The following SART1 variants were observed in gnomAD, a reference collection of about 807,000 sequenced individuals.
SART1 encodes U4/U6.U5 tri-snRNP-associated protein 1.
Under a neutral mutation model 105.0 loss-of-function variants are expected in SART1, and 28 were observed. The observed-to-expected ratio is 0.27, with a 90% confidence interval of 0.20 to 0.37. The LOEUF (loss-of-function observed/expected upper bound fraction) is 0.37. Among genes scored for constraint, SART1 ranks in the 10% least tolerant of loss-of-function variants. The probability of loss-of-function intolerance (pLI) is 1.00; values close to 1 mark genes in which losing one functional copy is unlikely to be tolerated. For synonymous variants in SART1, 472 were observed against 462.9 expected, an observed-to-expected ratio of 1.02 and a Z score of -0.25; for missense variants, 894 against 1,106.5, an observed-to-expected ratio of 0.81 and a Z score of 2.72.
At chr11:65,967,884 T>G in intron 12 of SART1, 63 bp downstream of exon 12, 1 of 1,347,006 alleles carries the variant, frequency 7.4e-7, no homozygotes, top group African/African-American at 1.5e-5. Flanking sequence ...AGCACCTGTG[T>G]CATAGGCGAC....
chr11:65,964,493 CA>C (rs748385244), intron 2 of SART1, 21 bp from the exon 3 acceptor site: 51 of 1,612,990 alleles, frequency 3.2e-5, no homozygotes, highest in Non-Finnish European at 4.0e-5. Context: ...TAGCCCCTAA[CA>C]CTTGTATCTC....
intron 1 of SART1, among the ~76,000 whole-genome samples, chr11:65,963,482 G>T (rs11606402): frequency 0.38 from 57,509 of 149,536 alleles, 12,526 homozygotes; most frequent in Middle Eastern, 0.56. Flanking sequence ...TTTTTTTTTT[G>T]TTTTGTTTTG....
Position 65,978,612 on chromosome 11 carries a change from C to T in SART1, c.2185C>T (p.Leu729=), listed in dbSNP as rs1590646956. 2 of 1,565,452 alleles carry T rather than the reference C, an allele frequency of 1.3e-6. No homozygotes were observed. Among genetic ancestry groups the T allele is most frequent in the East Asian group, 2.4e-5 (1 of 41,890 alleles). The change falls in exon 18 of 20, where the codon CTG becomes TTG. Residue 729 remains leucine (L), a synonymous_variant. Coordinates refer to ENST00000312397, the MANE Select transcript of SART1 (RefSeq NM_005146.5). The surrounding 1 kb of genome is among the most constrained non-coding windows in gnomAD (Gnocchi z 6.8). ...CCCGCGTCCCCAGGCTTTCCGGCAG[C>T]TGTCGCACCGCTTCCATGGCAAGGG... ...KLTPKEAFRQ[L]SHRFHGKGSG...
In SART1 at chr11:65,965,080, C is replaced by T. The variant is rs1185524082; in HGVS notation, c.428-12C>T. 5.0e-5 allele frequency: 79 copies of T among 1,565,934 alleles called. No individual in the cohort carries two copies. Among genetic ancestry groups the T allele is most frequent in the Non-Finnish European group, 6.2e-5 (72 of 1,160,966 alleles). On this transcript the variant is annotated splice_polypyrimidine_tract_variant and intron_variant, in intron 3 of 19. Coordinates refer to ENST00000312397, the MANE Select transcript of SART1 (RefSeq NM_005146.5). Reference sequence around the variant, plus strand: ...GGGCGGGCATAGCCTCACGTCTGGGCCCCCCTTCCAGAGGCGGGCACCAAG... The same window carrying T: ...GGGCGGGCATAGCCTCACGTCTGGGTCCCCCTTCCAGAGGCGGGCACCAAG...
rs763174089 is a variant in SART1, at chr11:65,976,649, G to T, written c.1747-7G>T. 1 of 1,613,606 alleles carries T rather than the reference G, an allele frequency of 6.2e-7. No homozygotes were observed. The highest frequency in any genetic ancestry group is 1.7e-5 in the Admixed American group (1 of 60,010). On this transcript the variant is annotated splice_polypyrimidine_tract_variant and splice_region_variant and intron_variant, in intron 13 of 19. Coordinates refer to ENST00000312397, the MANE Select transcript of SART1 (RefSeq NM_005146.5). This position sits in a 1 kb window ranked among gnomAD's most constrained non-coding sequence, Gnocchi z 5.1. The stretch of plus-strand genomic sequence containing the variant: ...GCCTGGGCCGACCCTGGTCTTTTGT[G>T]CCCCAGGACTTTGAACGGGATGAGG...
At chr11:65,967,102 T>C (rs1855275011) in intron 9 of SART1, among the ~76,000 whole-genome samples, 157 bp from the exon 10 acceptor site, 1 of 152,036 alleles carries the variant, frequency 6.6e-6, no homozygotes, top group Non-Finnish European at 1.5e-5. Flanking sequence ...ACCAGTGGAA[T>C]TGAGATAGTA....
In SART1 at chr11:65,978,834, C is replaced by T. The variant is rs545090377; in HGVS notation, c.2304C>T (p.Thr768=). ...GCTCCAGCGACACGCCCCTGGGCAC[C>T]GTGGCCCTGCTCCAGGAGAAGCAGA... ...KMSSSDTPLG[T]VALLQEKQKA... is the part of the protein sequence containing the mutation. The change falls in exon 19 of 20, where the codon ACC becomes ACT. Residue 768 remains threonine (T), a synonymous_variant. Coordinates refer to ENST00000312397, the MANE Select transcript of SART1 (RefSeq NM_005146.5). The surrounding 1 kb of genome is among the most constrained non-coding windows in gnomAD (Gnocchi z 6.8). 76 of 1,614,038 alleles carry T rather than the reference C, an allele frequency of 4.7e-5. No individual in the cohort carries two copies. The highest frequency in any genetic ancestry group is 2.8e-4 in the African/African-American group (21 of 75,008).
At chr11:65,971,870 C>A (rs1014865790) in intron 12 of SART1, among the ~76,000 whole-genome samples, 2 of 151,962 alleles carry the variant, frequency 1.3e-5, no homozygotes, top group Non-Finnish European at 2.9e-5. Context: ...GAAGTTAATA[C>A]AGTCAATGAG....
At chr11:65,974,198 T>TAAAAAAAAAAA (rs1168176073) in intron 12 of SART1, among the ~76,000 whole-genome samples, 5 of 69,330 alleles carry the variant, frequency 7.2e-5, no homozygotes, top group African/African-American at 1.8e-4. Context: ...CCCTCTCTAC[T>TAAAAAAAAAAA]AAAAAAAAAA....
rs754894158 is a variant in SART1 at position 65,967,501 on chromosome 11, C to T, written c.1344C>T (p.Ser448=). ...GGGGACGGGGTCGCCGCCGAGTGTC[C>T]GAAGTGGAGGAGGAGAAGGAGCCTG... ...RLRGRGRRRV[S]EVEEEKEPVP... The change falls in exon 11 of 20, where the codon TCC becomes TCT. Residue 448 remains serine, a synonymous_variant. Transcript: ENST00000312397. 32 of 1,612,920 alleles carry T rather than the reference C, an allele frequency of 2.0e-5. No homozygotes were observed. Among genetic ancestry groups the T allele is most frequent in the Non-Finnish European group, 2.5e-5 (30 of 1,179,884 alleles).
At chr11:65,967,087 A>G (rs1365915514) in intron 9 of SART1, among the ~76,000 whole-genome samples, 172 bp from the exon 10 acceptor site, 1 of 152,082 alleles carries the variant, frequency 6.6e-6, no homozygotes, top group Non-Finnish European at 1.5e-5. Context: ...CAGTTTCCCT[A>G]GCTCACCAGT....
At chr11:65,973,359 G>T (rs1260095022) in intron 12 of SART1, among the ~76,000 whole-genome samples, 1 of 151,996 alleles carries the variant, frequency 6.6e-6, no homozygotes, top group African/African-American at 2.4e-5. Context: ...ATAGGCGAAA[G>T]ATGTAGATAA....
intron 12 of SART1, among the ~76,000 whole-genome samples, chr11:65,975,059 AAGAC>A (rs1260540628): frequency 1.3e-5 from 2 of 152,174 alleles, no homozygotes; most frequent in Admixed American, 6.5e-5. Flanking sequence ...TAAAAATTAA[AAGAC>A]AAACAAACAA....
At chr11:65,963,146 C>T (rs1181708173) in intron 1 of SART1, among the ~76,000 whole-genome samples, 1 of 151,924 alleles carries the variant, frequency 6.6e-6, no homozygotes, top group Non-Finnish European at 1.5e-5. Context: ...GGACTAGAAC[C>T]TGAGAAATGC....
At chr11:65,972,088 C>T (rs1471061241) in intron 12 of SART1, among the ~76,000 whole-genome samples, 2 of 151,982 alleles carry the variant, frequency 1.3e-5, no homozygotes, top group African/African-American at 2.4e-5. Context: ...TTACACAATT[C>T]CTAGATAGGA....
intron 12 of SART1, among the ~76,000 whole-genome samples, chr11:65,972,795 A>C (rs968175850): frequency 6.6e-6 from 1 of 151,884 alleles, no homozygotes; most frequent in Non-Finnish European, 1.5e-5. Flanking sequence ...CAAAAAAAAA[A>C]AAAAACCAAG....
In SART1 at chr11:65,979,946, C is replaced by T. The variant is rs1855555522; in HGVS notation, c.*916C>T. 1.3e-5 allele frequency: 2 copies of T among 151,998 alleles called. No individual in the cohort carries two copies. The highest frequency in any genetic ancestry group is 1.9e-4 in the East Asian group (1 of 5,180). The allele number at this position is 151,998 out of a possible 1,614,324, so 9.4% of individuals were successfully genotyped here. ...TGAGTAAGGTGGCAAAACCCCATCT[C>T]TACCAAAAATACAAAGATTAGCCAG... On this transcript the variant is annotated 3_prime_UTR_variant, in exon 20 of 20. Coordinates refer to ENST00000312397, the MANE Select transcript of SART1 (RefSeq NM_005146.5).
Position 65,964,446 on chromosome 11 carries a change from T to C in SART1, c.372-69T>C, listed in dbSNP as rs1855206748. 1.9e-6 allele frequency: 3 copies of C among 1,569,566 alleles called. No individual in the cohort carries two copies. The South Asian group carries it at 3.3e-5, about 17-fold the overall frequency. On this transcript the variant is annotated intron_variant, in intron 2 of 19. Transcript: ENST00000312397. Reference sequence around the variant, plus strand: ...CACTCCCACCCTGTTTCTCCTCTTGTCTGTCTGGAAATGCACATGGCACCC... The same window carrying C: ...CACTCCCACCCTGTTTCTCCTCTTGCCTGTCTGGAAATGCACATGGCACCC...
At position 65,967,797 on chromosome 11, in the gene SART1, G is replaced by A; in HGVS notation, c.1548G>A (p.Gln516=). 1 of 1,546,116 alleles carries A rather than the reference G, an allele frequency of 6.5e-7. No homozygotes were observed. The highest frequency in any genetic ancestry group is 8.7e-7 in the Non-Finnish European group (1 of 1,145,208). The change falls in exon 12 of 20, where the codon CAG becomes CAA. Residue 516 remains glutamine (Q), a synonymous_variant. Transcript: ENST00000312397. The part of the protein sequence containing the change: ...GRRLRQLQQL[Q]QLRDSGEKVV... ...GGCTGCGACAGTTACAGCAGCTACA[G>A]CAGCTGCGAGACAGTGGCGAGAAGG... is the stretch of plus-strand genomic sequence containing the variant.
Sources: gnomAD v4.1 joint callset for allele counts (sites outside exome capture counted in the v4.1 genomes callset) on GRCh38, gnomAD v4.1.1 for gene constraint, Gnocchi (gnomAD v3.1) non-coding constraint, MANE v1.5 for transcripts, NCBI Gene and HGNC (gene_info 2026-07-23, HGNC 2026-07-21) for gene names.